Variants in SNX1 observed in about 807,000 individuals in gnomAD.
SNX1 encodes the protein sorting nexin-1.
In SNX1, 36 loss-of-function variants were observed where a neutral mutation model predicts 71.8. The observed-to-expected ratio is 0.50, with a 90% CI of 0.38 to 0.66. SNX1 has a LOEUF of 0.66. SNX1 is among the 30% of genes least tolerant of loss of function. SNX1 has a pLI of 0.00. For synonymous variants in SNX1, 254 were observed against 240.7 expected, an observed-to-expected ratio of 1.06 and a Z score of -0.51; for missense variants, 612 against 646.7, an observed-to-expected ratio of 0.95 and a Z score of 0.58.
chr15:64,109,150 C>T (rs541460522), intron 1 of SNX1, among the ~76,000 whole-genome samples: 1 of 152,088 alleles, frequency 6.6e-6, no homozygotes, highest in African/African-American at 2.4e-5. Context: ...GTGGGCAGAT[C>T]GCTTGAGGTT....
In SNX1 at chr15:64,134,623, T is replaced by G; in HGVS notation, c.1222-41T>G. 6.3e-7 allele frequency: 1 copy of G among 1,583,718 alleles called. No homozygotes were observed. The highest frequency in any genetic ancestry group is 8.6e-7 in the Non-Finnish European group (1 of 1,163,664). ...CTCGAGGCAGAGCCAGCAGAGCTCT[T>G]GAAGAGCTGGTTGTGCTCCTCCTCA... On this transcript the variant is annotated intron_variant, in intron 11 of 14. Coordinates refer to ENST00000559844, the MANE Select transcript of SNX1 (RefSeq NM_003099.5). The surrounding 1 kb of genome is among the most constrained non-coding windows in gnomAD (Gnocchi z 4.1).
rs1329270105 is a variant in SNX1 at position 64,123,491 on chromosome 15, G to A, written c.467-12G>A. 2 of 1,612,590 alleles carry A rather than the reference G, an allele frequency of 1.2e-6. No individual in the cohort carries two copies. The highest frequency in any genetic ancestry group is 1.1e-5 in the South Asian group (1 of 90,948). On this transcript the variant is annotated splice_polypyrimidine_tract_variant and intron_variant, in intron 4 of 14. Transcript: ENST00000559844. ...TTACAAGATAATCTTCTGCTTTCTT[G>A]TTCTCTCACAGGGGATGGTATGAAT...
chr15:64,136,910 C>T lies in SNX1; in HGVS notation c.1496C>T (p.Thr499Ile), dbSNP rs750664045. ...FKNHVIKYLE[T>I]LLYSQQQLAK... ...AACCACGTGATCAAGTACCTTGAGA[C>T]ACTCCTTTACTCACAGCAGCAGGTA... The change falls in exon 14 of 15, where the codon ACA becomes ATA. Residue 499 changes from threonine to isoleucine, a missense_variant. Thr to Ile is a moderately conservative substitution (Grantham distance 89). Around this residue, in one of 2 missense-constraint regions of SNX1, gnomAD observed 296 missense variants for 361.9 expected, o/e 0.82. Coordinates refer to ENST00000559844, the MANE Select transcript of SNX1 (RefSeq NM_003099.5). 9.3e-6 allele frequency: 15 copies of T among 1,614,010 alleles called. No homozygotes were observed. In the South Asian group the frequency reaches 1.4e-4, roughly 15 times the overall value.
chr15:64,126,559 T>G (rs189965531), intron 6 of SNX1, among the ~76,000 whole-genome samples: 229 of 152,074 alleles, frequency 1.5e-3, no homozygotes, highest in African/African-American at 4.6e-3. Context: ...TGTTTGTTTG[T>G]TTGGTTGGTT....
At chr15:64,106,160 T>G (rs916534908) in intron 1 of SNX1, among the ~76,000 whole-genome samples, 2 of 152,198 alleles carry the variant, frequency 1.3e-5, no homozygotes, top group African/African-American at 4.8e-5. Flanking sequence ...CAGGTACTTC[T>G]ATTATGGTTT....
Position 64,142,985 on chromosome 15 carries a change from AGT to A in SNX1, c.*5373_*5374del. ...GGATGGGGCCAAGATGTGGCTGGAG[AGT>A]GTGTGGTGATGGAGGGCGTGTCTTT... is the stretch of plus-strand genomic sequence containing the variant. On this transcript the variant is annotated 3_prime_UTR_variant, in exon 15 of 15. Coordinates refer to ENST00000559844, the MANE Select transcript of SNX1 (RefSeq NM_003099.5). 1 of 246,382 alleles carries A rather than the reference AGT, an allele frequency of 4.1e-6. No individual in the cohort carries two copies. The highest frequency in any genetic ancestry group is 1.2e-4 in the East Asian group (1 of 8,320). The allele number at this position is 246,382 out of a possible 1,614,324, so 15.3% of individuals were successfully genotyped here.
chr15:64,126,870 G>A (rs936277127), intron 6 of SNX1, among the ~76,000 whole-genome samples: 1 of 152,094 alleles, frequency 6.6e-6, no homozygotes, highest in Non-Finnish European at 1.5e-5. Context: ...GTGCCACTGC[G>A]CCCGGCCAGG....
intron 11 of SNX1, among the ~76,000 whole-genome samples, chr15:64,132,634 C>CT (rs780668868): frequency 1.3e-5 from 2 of 152,216 alleles, no homozygotes; most frequent in Non-Finnish European, 2.9e-5. Context: ...CACCTACACT[C>CT]TAAGGGCCTA....
In SNX1 at chr15:64,134,577, G is replaced by A. The variant is rs1882325982; in HGVS notation, c.1222-87G>A. 3 of 1,487,014 alleles carry A rather than the reference G, an allele frequency of 2.0e-6. No homozygotes were observed. Among genetic ancestry groups the A allele is most frequent in the Non-Finnish European group, 2.7e-6 (3 of 1,099,240 alleles). 92.1% of individuals were successfully genotyped at this position (1,487,014 alleles called of 1,614,324 possible). On this transcript the variant is annotated intron_variant, in intron 11 of 14. Coordinates refer to ENST00000559844, the MANE Select transcript of SNX1 (RefSeq NM_003099.5). The surrounding 1 kb of genome is among the most constrained non-coding windows in gnomAD (Gnocchi z 4.1). ...TGCCCTTGCTCAGTCTGTCCCTGGT[G>A]CAGCTGCTGGGAGAGCCTGCCTCGA...
At chr15:64,097,215 TCC>T (rs2080912314) in intron 1 of SNX1, among the ~76,000 whole-genome samples, 1 of 152,234 alleles carries the variant, frequency 6.6e-6, no homozygotes, top group African/African-American at 2.4e-5. Context: ...TAAGGCACTC[TCC>T]CTTTCCATGT....
chr15:64,136,265 A>G, intron 12 of SNX1, 65 bp from the exon 13 acceptor site: 1 of 1,326,032 alleles, frequency 7.5e-7, no homozygotes, highest in East Asian at 2.3e-5. Flanking sequence ...ATCGCTGTCC[A>G]AATGTGAAGG....
intron 7 of SNX1, 128 bp from the exon 8 acceptor site, chr15:64,127,603 G>A (rs2081266659): frequency 3.0e-6 from 2 of 672,340 alleles, no homozygotes; most frequent in Middle Eastern, 2.5e-4. Flanking sequence ...ACCTACTTAA[G>A]TACCTTATCT....
At position 64,134,479 on chromosome 15, in the gene SNX1, GAGGAGTCTT is replaced by G; in HGVS notation, c.1222-183_1222-175del. 1 of 629,858 alleles carries G rather than the reference GAGGAGTCTT, an allele frequency of 1.6e-6. No homozygotes were observed. The highest frequency in any genetic ancestry group is 2.7e-6 in the Non-Finnish European group (1 of 371,354). 39.0% of individuals were successfully genotyped at this position (629,858 alleles called of 1,614,324 possible). On this transcript the variant is annotated intron_variant, in intron 11 of 14. Transcript: ENST00000559844. This position sits in a 1 kb window ranked among gnomAD's most constrained non-coding sequence, Gnocchi z 4.1. ...GGCACTGGCCTTCTGGAAGCTTGGA[GAGGAGTCTT>G]ACCCAAGCTTTGCTCCTAGACATTA...
rs551805574 is a variant in SNX1, at chr15:64,097,711, T to C, written c.159+1539T>C. On this transcript the variant is annotated intron_variant, in intron 1 of 14. Coordinates refer to ENST00000559844, the MANE Select transcript of SNX1 (RefSeq NM_003099.5). Reference sequence around the variant, plus strand: ...TATGAGAATATTTACTCATACCACTTGGTATAGGTTGTTCCAGGCTGTAAA... The same window carrying C: ...TATGAGAATATTTACTCATACCACTCGGTATAGGTTGTTCCAGGCTGTAAA... 6.6e-5 allele frequency among the ~76,000 whole-genome samples: 10 copies of C among 152,316 alleles called. No homozygotes were observed. The East Asian group carries it at 1.9e-3, about 29-fold the overall frequency.
chr15:64,128,505 G>T (rs759760592), intron 8 of SNX1, among the ~76,000 whole-genome samples: 4 of 152,066 alleles, frequency 2.6e-5, no homozygotes, highest in Non-Finnish European at 5.9e-5. Flanking sequence ...TAAGTGACTG[G>T]GTAGGGCTAT....
rs17201990 is a variant in SNX1, at chr15:64,142,338, G to A, written c.*4720G>A. On this transcript the variant is annotated 3_prime_UTR_variant, in exon 15 of 15. Transcript: ENST00000559844. ...GCAAGATCTTGTCTCAAAAAAAAAA[G>A]CAGCTCTGGATGGGAAGGGAGGCCA... The A allele has an allele frequency of 0.54, 109,703 of 202,910 alleles. 34,881 individuals carry two copies. The highest frequency in any genetic ancestry group is 0.79 in the East Asian group (5,458 of 6,944). 12.6% of individuals were successfully genotyped at this position (202,910 alleles called of 1,614,324 possible). A position where few individuals can be genotyped will look rare whatever the true frequency, so the allele number is the denominator to read the frequency against.
At chr15:64,133,945 A>G (rs1006014621) in intron 11 of SNX1, among the ~76,000 whole-genome samples, 3 of 152,132 alleles carry the variant, frequency 2.0e-5, no homozygotes, top group Admixed American at 6.6e-5. Context: ...AAAACTAGCA[A>G]ATAGATTTTG....
chr15:64,123,628 G>A, intron 5 of SNX1, 82 bp downstream of exon 5: 2 of 1,169,796 alleles, frequency 1.7e-6, no homozygotes. Context: ...TTATTTCTGG[G>A]TATCTCCTTT....
intron 12 of SNX1, among the ~76,000 whole-genome samples, chr15:64,135,279 G>A (rs573145232): frequency 1.3e-5 from 2 of 151,368 alleles, no homozygotes; most frequent in East Asian, 4.0e-4. Flanking sequence ...CACCACACCT[G>A]GCTAATTTTT....
Sources: allele counts gnomAD v4.1 joint callset (sites outside exome capture counted in the v4.1 genomes callset), GRCh38; gene constraint gnomAD v4.1.1; regional missense constraint gnomAD v4.1.1; non-coding constraint Gnocchi (gnomAD v3.1); transcripts MANE v1.5; gene names NCBI Gene and HGNC (gene_info 2026-07-23, HGNC 2026-07-21).